APOB: variants seen among roughly 807,000 people sequenced by gnomAD.
The protein encoded by APOB is apolipoprotein B-100.
In APOB, 153 loss-of-function variants were observed where a neutral mutation model predicts 314.1. That is an observed-to-expected ratio of 0.49 (90% CI 0.43 to 0.56). The LOEUF is 0.56. APOB is among the 20% of genes least tolerant of loss of function. The pLI, the probability that APOB is intolerant of heterozygous loss-of-function variation, is 0.00. For synonymous variants in APOB, 2,087 were observed against 2,036.4 expected, an observed-to-expected ratio of 1.02 and a Z score of -0.67; for missense variants, 5,430 against 5,350.7, an observed-to-expected ratio of 1.01 and a Z score of -0.46.
chr2:21,025,077 A>G lies in APOB; in HGVS notation c.2292T>C (p.Asp764=), dbSNP rs755092772. 7 of 1,614,110 alleles carry G rather than the reference A, an allele frequency of 4.3e-6. No individual in the cohort carries two copies. The highest frequency in any genetic ancestry group is 4.2e-6 in the Non-Finnish European group (5 of 1,180,040). The change falls in exon 16 of 29, where the codon GAT becomes GAC. Residue 764 remains aspartate, a synonymous_variant. Transcript: ENST00000233242. ...IMLSVEKLIK[D]LKSKEVPEAR... ...CTTCCGGGACTTCTTTGGATTTCAA[A>G]TCTTTAATCAGCTTCTCAACACTGA...
chr2:21,019,460 T>C (rs1373454478), intron 19 of APOB, among the ~76,000 whole-genome samples: 2 of 152,148 alleles, frequency 1.3e-5, no homozygotes, highest in African/African-American at 4.8e-5. Context: ...CTCATAGCGA[T>C]GGGTCTGGAG....
chr2:21,013,036 A>G (rs1166643210), intron 25 of APOB, 124 bp downstream of exon 25: 1 of 1,150,598 alleles, frequency 8.7e-7, no homozygotes, highest in African/African-American at 1.6e-5. Context: ...AAAATAAAAG[A>G]CTTCCAAGTA....
At chr2:21,013,054 A>G (rs1015493943) in intron 25 of APOB, 106 bp downstream of exon 25, 15 of 1,365,960 alleles carry the variant, frequency 1.1e-5, no homozygotes, top group African/African-American at 1.5e-5. Context: ...GTAGCAAGGA[A>G]GATTATCTGC....
rs535011070 is a variant in APOB, at chr2:21,006,202, G to T, written c.10666C>A (p.Leu3556Ile). Residue 3556 changes from leucine to isoleucine, a missense_variant, in exon 26 of 29, where the codon CTC (leucine) becomes ATC (isoleucine). Coordinates refer to ENST00000233242, the MANE Select transcript of APOB (RefSeq NM_000384.3). ...VKENFAGEAT[L>I]QRIYSLWEHS... Reference sequence around the variant, plus strand: ...TCCCAGAGGGAATATATGCGTTGGAGTGTGGCTTCTCCAGCAAAATTTTCT... The same window carrying T: ...TCCCAGAGGGAATATATGCGTTGGATTGTGGCTTCTCCAGCAAAATTTTCT... The T allele has an allele frequency of 6.2e-7, 1 of 1,614,100 alleles. No homozygotes were observed. Among genetic ancestry groups the T allele is most frequent in the African/African-American group, 1.3e-5 (1 of 75,046 alleles).
rs1663205309 is a variant in APOB at position 21,008,238 on chromosome 2, A to T, written c.8630T>A (p.Ile2877Lys). ...GCTATCCAGGGTAAGCTGATTGTTT[A>T]TCTTGACAATCACTCCATTACTAAG... ...LELSNGVIVK[I>K]NNQLTLDSNT... Residue 2877 changes from isoleucine (I) to lysine (K), a missense_variant, in exon 26 of 29, where the codon ATA becomes AAA. Coordinates refer to ENST00000233242, the MANE Select transcript of APOB (RefSeq NM_000384.3). The T allele has an allele frequency of 3.1e-6, 5 of 1,614,062 alleles. No homozygotes were observed. In the East Asian group the frequency reaches 6.7e-5, roughly 22 times the overall value.
At position 21,006,859 on chromosome 2, in the gene APOB, T is replaced by C. The variant is rs139791838; in HGVS notation, c.10009A>G (p.Ile3337Val). ...SHIFIPAMGN[I>V]TYDFSFKSSV... ...GATTTAAAGGAGAAATCATAGGTAA[T>C]ATTGCCCATGGCAGGAATAAAAATA... Residue 3337 changes from isoleucine (I) to valine (V), a missense_variant, in exon 26 of 29, where the codon ATT becomes GTT. This residue lies in a region of APOB where 3,281 missense variants were observed against 3,171.0 expected (regional missense o/e 1.03). Coordinates refer to ENST00000233242, the MANE Select transcript of APOB (RefSeq NM_000384.3). The C allele has an allele frequency of 5.0e-6, 8 of 1,613,954 alleles. No homozygotes were observed. Among genetic ancestry groups the C allele is most frequent in the Non-Finnish European group, 6.8e-6 (8 of 1,179,964 alleles).
At chr2:21,025,770 C>T (rs370451471) in intron 15 of APOB, among the ~76,000 whole-genome samples, 3 of 152,214 alleles carry the variant, frequency 2.0e-5, no homozygotes, top group South Asian at 2.1e-4. Context: ...ATACAAGTCA[C>T]ATGAGGTCTT....
In APOB at chr2:21,005,309, G is replaced by A; in HGVS notation, c.11559C>T (p.Pro3853=). The A allele has an allele frequency of 6.2e-7, 1 of 1,614,010 alleles. No homozygotes were observed. The change falls in exon 26 of 29, where the codon CCC becomes CCT. Residue 3853 remains proline, a synonymous_variant. Transcript: ENST00000233242. ...TGGTCTGCTCAGGCACGATGATGGT[G>A]GGCAACTCAAAGTCTGCGATCTTGT... is the stretch of plus-strand genomic sequence containing the variant. The part of the protein sequence containing the change: ...VANKIADFEL[P]TIIVPEQTIE...
At chr2:21,029,396 G>A (rs1276105186) in intron 12 of APOB, among the ~76,000 whole-genome samples, 5 of 152,112 alleles carry the variant, frequency 3.3e-5, no homozygotes, top group Non-Finnish European at 7.3e-5. Flanking sequence ...AAGTTGCAGT[G>A]AGCCGAGATC....
intron 7 of APOB, among the ~76,000 whole-genome samples, chr2:21,035,343 T>A (rs1408399919): frequency 6.6e-6 from 1 of 152,210 alleles, no homozygotes; most frequent in Non-Finnish European, 1.5e-5. Context: ...GTTTTCTGGA[T>A]CTACAGCCCT....
At chr2:21,021,889 G>A (rs181932721) in intron 18 of APOB, among the ~76,000 whole-genome samples, 9 of 152,236 alleles carry the variant, frequency 5.9e-5, no homozygotes, top group African/African-American at 1.2e-4. Flanking sequence ...AAATGTAAGC[G>A]TTCAAAGGTC....
rs745755712 is a variant in APOB, at chr2:21,010,846, C to A, written c.6022G>T (p.Glu2008Ter). The A allele has an allele frequency of 1.2e-6, 2 of 1,614,122 alleles. No homozygotes were observed. The highest frequency in any genetic ancestry group is 3.3e-5 in the Admixed American group (2 of 60,024). Reference protein sequence around the residue: ...AYNTKDKIGVELTGRTLADLT... With the variant: ...AYNTKDKIGV ...TCAGCCAGAGTTCGTCCAGTAAGCTCCACGCCAATTTTATCTTTAGTGTTG... is the reference window on the plus strand; with the variant it reads ...TCAGCCAGAGTTCGTCCAGTAAGCTACACGCCAATTTTATCTTTAGTGTTG... Residue 2008 changes from glutamate (E) to a stop codon, truncating the protein, a stop_gained, in exon 26 of 29, where the codon GAG becomes TAG. Coordinates refer to ENST00000233242, the MANE Select transcript of APOB (RefSeq NM_000384.3). LOFTEE classifies it high-confidence loss of function.
At chr2:21,022,214 C>T (rs1663624999) in intron 18 of APOB, among the ~76,000 whole-genome samples, 1 of 152,160 alleles carries the variant, frequency 6.6e-6, no homozygotes, top group South Asian at 2.1e-4. Flanking sequence ...GCGATCCATC[C>T]ACCTGGGGCT....
chr2:21,031,177 C>T (rs999781856), intron 10 of APOB, among the ~76,000 whole-genome samples: 1 of 152,206 alleles, frequency 6.6e-6, no homozygotes. Flanking sequence ...GCACTATTCA[C>T]AATAGCAAAG....
rs143718582 is a variant in APOB, at chr2:21,034,946, A to G, written c.819-45T>C. 1.1e-3 allele frequency: 1,067 copies of G among 953,842 alleles called. 2 individuals are homozygous for G. Among genetic ancestry groups the G allele is most frequent in the Admixed American group, 1.7e-3 (102 of 59,242 alleles). 59.1% of individuals were successfully genotyped at this position (953,842 alleles called of 1,614,324 possible). A position where few individuals can be genotyped will look rare whatever the true frequency, so the allele number is the denominator to read the frequency against. On this transcript the variant is annotated intron_variant, in intron 7 of 28. Coordinates refer to ENST00000233242, the MANE Select transcript of APOB (RefSeq NM_000384.3). ...ACCATGTCACGGATGGCCAGAACATACTATTCTTTCCATGTTGAAGGTTTT... is the reference window on the plus strand; with the variant it reads ...ACCATGTCACGGATGGCCAGAACATGCTATTCTTTCCATGTTGAAGGTTTT...
Position 21,043,893 on chromosome 2 carries a change from A to T in APOB, c.53T>A (p.Leu18Gln), listed in dbSNP as rs1664200226. Residue 18 changes from leucine (L) to glutamine (Q), a missense_variant, in exon 1 of 29, where the codon CTG becomes CAG. Physicochemically the swap from Leu to Gln is moderately radical, Grantham distance 113. Transcript: ENST00000233242. Reference protein sequence around the residue: ...LLALLALPALLLLLLAGARAE... With the variant: ...LLALLALPALQLLLLAGARAE... Reference sequence around the variant, plus strand: ...CCTGGCGCCCGCCAGCAGCAGCAGCAGCAGCGCAGGCAGCGCCAGCAGCGC... The same window carrying T: ...CCTGGCGCCCGCCAGCAGCAGCAGCTGCAGCGCAGGCAGCGCCAGCAGCGC... The T allele has an allele frequency of 1.4e-6, 2 of 1,460,696 alleles. No homozygotes were observed. Among genetic ancestry groups the T allele is most frequent in the African/African-American group, 3.0e-5 (2 of 66,350 alleles). 90.5% of individuals were successfully genotyped at this position (1,460,696 alleles called of 1,614,324 possible).
At chr2:21,043,695 G>A (rs112850411) in intron 1 of APOB, 144 bp from the exon 2 acceptor site, 7 of 1,494,562 alleles carry the variant, frequency 4.7e-6, no homozygotes, top group African/African-American at 1.4e-5. Context: ...CCTCCATCCC[G>A]CGCCCCCCAT....
intron 2 of APOB, 54 bp from the exon 3 acceptor site, chr2:21,042,530 C>G: frequency 1.4e-6 from 2 of 1,381,280 alleles, no homozygotes; most frequent in African/African-American, 1.4e-5. Context: ...CTCCCAAGGA[C>G]AGCCAATTCT....
At chr2:21,032,711 C>T (rs961006508) in intron 9 of APOB, 130 bp from the exon 10 acceptor site, 1 of 696,528 alleles carries the variant, frequency 1.4e-6, no homozygotes, top group East Asian at 2.8e-5. Context: ...CTTCAAAACC[C>T]AACTTGGAGC....
Sources: gnomAD v4.1 joint callset for allele counts (sites outside exome capture counted in the v4.1 genomes callset) on GRCh38, gnomAD v4.1.1 for gene constraint, gnomAD v4.1.1 regional missense constraint, MANE v1.5 for transcripts, NCBI Gene and HGNC (gene_info 2026-07-23, HGNC 2026-07-21) for gene names.